ADGB: variants seen among roughly 807,000 people sequenced by gnomAD.
ADGB encodes calpain-7-like protein.
Under a neutral mutation model 210.5 loss-of-function variants are expected in ADGB, and 172 were observed. The ratio of observed to expected loss-of-function variants is 0.82; its 90% CI spans 0.72 to 0.93. The LOEUF (loss-of-function observed/expected upper bound fraction) is 0.93, where lower values mean the gene tolerates loss of function less well. Among genes scored for constraint, ADGB ranks in the 40% least tolerant of loss-of-function variants. The pLI, the probability that ADGB is intolerant of heterozygous loss-of-function variation, is 0.00. For missense variants in ADGB, 2,025 were observed against 1,964.8 expected (o/e 1.03, Z -0.58); for synonymous variants, 658 against 662.7 (o/e 0.99, Z 0.11).
intron 5 of ADGB, among the ~76,000 whole-genome samples, chr6:146,661,220 C>CTTTTTTTTTTTTTTTTTTTTTT (rs5880682): frequency 5.2e-5 from 6 of 116,072 alleles, no homozygotes; most frequent in East Asian, 2.5e-4. Context: ...TTCTTTTTTT[C>CTTTTTTTTTTTTTTTTTTTTTT]TTTTTTTTTT....
In ADGB at chr6:146,659,122, C is replaced by A. The variant is rs536348702; in HGVS notation, c.612+2142C>A. ...AGTCAATTCTGTCTTACATGCAAAT[C>A]CTATGTGGTTGGTTTTTTATCCGTT... On this transcript the variant is annotated intron_variant, in intron 5 of 35. Coordinates refer to ENST00000397944, the MANE Select transcript of ADGB (RefSeq NM_024694.4). Among the ~76,000 whole-genome samples, 23 of 152,264 alleles carry A rather than the reference C, an allele frequency of 1.5e-4. 1 individual carries two copies. The South Asian group carries it at 4.8e-3, about 32-fold the overall frequency.
At chr6:146,629,009 C>A (rs1033752308) in intron 1 of ADGB, among the ~76,000 whole-genome samples, 2 of 152,020 alleles carry the variant, frequency 1.3e-5, no homozygotes, top group East Asian at 3.9e-4. Context: ...TAGCAATATG[C>A]CCAGATACTA....
At chr6:146,711,989 T>G (rs1473459351) in intron 13 of ADGB, among the ~76,000 whole-genome samples, 1 of 151,482 alleles carries the variant, frequency 6.6e-6, no homozygotes, top group Non-Finnish European at 1.5e-5. Flanking sequence ...CCCAGGAGTT[T>G]GAGGCTGGAG....
At chr6:146,624,836 G>A (rs928658067) in intron 1 of ADGB, among the ~76,000 whole-genome samples, 1 of 151,502 alleles carries the variant, frequency 6.6e-6, no homozygotes, top group Non-Finnish European at 1.5e-5. Context: ...TAATACATAG[G>A]TTAATTACAG....
chr6:146,618,593 T>C (rs928488296), intron 1 of ADGB, among the ~76,000 whole-genome samples: 1 of 152,092 alleles, frequency 6.6e-6, no homozygotes, highest in African/African-American at 2.4e-5. Context: ...AATTTCCTTT[T>C]TAATTTCTTC....
At chr6:146,615,097 C>T (rs565182662) in intron 1 of ADGB, among the ~76,000 whole-genome samples, 2 of 151,512 alleles carry the variant, frequency 1.3e-5, no homozygotes, top group South Asian at 2.1e-4. Flanking sequence ...TTAGTAGAGA[C>T]GGGGTTTCAC....
intron 29 of ADGB, among the ~76,000 whole-genome samples, chr6:146,771,294 T>C (rs560101232): frequency 6.6e-6 from 1 of 152,220 alleles, no homozygotes; most frequent in Non-Finnish European, 1.5e-5. Flanking sequence ...CCCTGTGTTA[T>C]GGATTATCTA....
intron 1 of ADGB, among the ~76,000 whole-genome samples, chr6:146,610,297 C>T (rs534963913): frequency 2.0e-4 from 30 of 152,258 alleles, no homozygotes; most frequent in African/African-American, 6.5e-4. Context: ...CCTGAATCTC[C>T]GCAATCTATG....
At chr6:146,644,229 G>A (rs1395934278) in intron 2 of ADGB, among the ~76,000 whole-genome samples, 1 of 151,736 alleles carries the variant, frequency 6.6e-6, no homozygotes, top group Non-Finnish European at 1.5e-5. Flanking sequence ...AGAACCCATT[G>A]TATTATTTCA....
Position 146,701,040 on chromosome 6 carries a change from C to A in ADGB, c.1677C>A (p.Asp559Glu). The change falls in exon 13 of 36, where the codon GAC becomes GAA. Residue 559 changes from aspartate to glutamate, a missense_variant. By Grantham distance (45) the Asp-to-Glu change is conservative (BLOSUM62 2). Transcript: ENST00000397944. ...TDETATHSQT[D>E]LSQITKATSQ... is the part of the protein sequence containing the mutation. ...AAACTGCAACACATAGCCAGACAGACTTGAGTCAAATAACAAAAGCTACAT... is the reference window on the plus strand; with the variant it reads ...AAACTGCAACACATAGCCAGACAGAATTGAGTCAAATAACAAAAGCTACAT... The A allele has an allele frequency of 6.4e-7, 1 of 1,550,834 alleles. No individual in the cohort carries two copies. Among genetic ancestry groups the A allele is most frequent in the South Asian group, 1.2e-5 (1 of 84,038 alleles).
At chr6:146,674,428 A>G (rs1369590838) in intron 8 of ADGB, among the ~76,000 whole-genome samples, 1 of 152,142 alleles carries the variant, frequency 6.6e-6, no homozygotes, top group Non-Finnish European at 1.5e-5. Flanking sequence ...TCTGAGAAGA[A>G]GGAGCAAGTT....
chr6:146,759,152 T>A lies in ADGB; in HGVS notation c.3551-4749T>A, dbSNP rs983240077. ...TGTGTGTCTTTACAGGATATCAAGG[T>A]ACACACTACCTTGATAGGTATTCTG... On this transcript the variant is annotated intron_variant, in intron 27 of 35. Coordinates refer to ENST00000397944, the MANE Select transcript of ADGB (RefSeq NM_024694.4). 2.0e-5 allele frequency among the ~76,000 whole-genome samples: 3 copies of A among 151,842 alleles called. No homozygotes were observed. The South Asian group carries it at 6.2e-4, about 31-fold the overall frequency.
intron 33 of ADGB, among the ~76,000 whole-genome samples, chr6:146,790,210 T>C (rs1014372940): frequency 2.0e-5 from 3 of 152,168 alleles, no homozygotes; most frequent in African/African-American, 7.2e-5. Flanking sequence ...ATCCACTCTT[T>C]GAGCTATTTT....
intron 18 of ADGB, 108 bp from the exon 19 acceptor site, chr6:146,725,975 C>T: frequency 1.6e-6 from 1 of 625,276 alleles, no homozygotes; most frequent in Non-Finnish European, 2.8e-6. Context: ...TGAACTCTTC[C>T]CTAACCTTTT....
At chr6:146,605,501 C>A (rs1780618874) in intron 1 of ADGB, among the ~76,000 whole-genome samples, 2 of 152,094 alleles carry the variant, frequency 1.3e-5, no homozygotes, top group Non-Finnish European at 2.9e-5. Context: ...ATTTTGCATT[C>A]TCTCCAGGGC....
At chr6:146,694,997 ATATAT>A (rs1776383817) in intron 12 of ADGB, among the ~76,000 whole-genome samples, 3 of 152,196 alleles carry the variant, frequency 2.0e-5, no homozygotes, top group African/African-American at 7.2e-5. Context: ...CACATTATTA[ATATAT>A]TAAATAATGT....
chr6:146,802,899 G>A, intron 35 of ADGB: 5 of 1,610,406 alleles, frequency 3.1e-6, no homozygotes, highest in Non-Finnish European at 4.2e-6. Flanking sequence ...CCACTTAATT[G>A]TTGTTTTAAA....
At chr6:146,768,282 C>T (rs571414507) in intron 28 of ADGB, among the ~76,000 whole-genome samples, 3 of 152,228 alleles carry the variant, frequency 2.0e-5, no homozygotes, top group African/African-American at 7.2e-5. Flanking sequence ...TAGCAATTCA[C>T]AAATAGCTAA....
At chr6:146,672,731 T>C (rs1182952862) in intron 8 of ADGB, among the ~76,000 whole-genome samples, 3 of 150,934 alleles carry the variant, frequency 2.0e-5, no homozygotes, top group Admixed American at 6.6e-5. Flanking sequence ...TTCTTTCTTT[T>C]TTTTTTTTTT....
Sources: allele counts gnomAD v4.1 joint callset (sites outside exome capture counted in the v4.1 genomes callset), GRCh38; gene constraint gnomAD v4.1.1; transcripts MANE v1.5; gene names NCBI Gene and HGNC (gene_info 2026-07-23, HGNC 2026-07-21).